The following XRN2 variants were observed in gnomAD, a reference collection of about 807,000 sequenced individuals.
XRN2 encodes the protein DHM1-like protein.
A neutral mutation model predicts 138.5 loss-of-function variants in XRN2; 44 were observed. The ratio of observed to expected loss-of-function variants is 0.32; its 90% CI spans 0.25 to 0.41. XRN2 has a LOEUF of 0.41. Ranked by LOEUF, XRN2 falls within the 10% of genes least tolerant of loss-of-function variation. The pLI, the probability that XRN2 is intolerant of heterozygous loss-of-function variation, is 1.00. For missense variants in XRN2, 937 were observed against 1,169.3 expected (o/e 0.80, Z 2.90); for synonymous variants, 354 against 369.4 (o/e 0.96, Z 0.48).
At position 21,365,612 on chromosome 20, in the gene XRN2, A is replaced by G. The variant is rs1274235512; in HGVS notation, c.2364A>G (p.Lys788=). ...AAVLKPSDWE[K]SSNGRQWKPQ... ...TACTGAAACCTAGTGACTGGGAAAA[A>G]TCCAGCAATGGACGGCAGTGGAAGC... Residue 788 remains lysine, a synonymous_variant, in exon 26 of 30, where the codon AAA becomes AAG. Transcript: ENST00000377191. The G allele has an allele frequency of 2.5e-6, 4 of 1,613,340 alleles. No homozygotes were observed. The highest frequency in any genetic ancestry group is 3.4e-6 in the Non-Finnish European group (4 of 1,179,938).
At chr20:21,362,191 T>G (rs552326504) in intron 24 of XRN2, among the ~76,000 whole-genome samples, 3 of 152,282 alleles carry the variant, frequency 2.0e-5, no homozygotes, top group Non-Finnish European at 4.4e-5. Context: ...AGCATGAGCA[T>G]GAATAATGGA....
Position 21,309,868 on chromosome 20 carries a change from C to G in XRN2, c.75+6395C>G, listed in dbSNP as rs1262573644. Among the ~76,000 whole-genome samples, 26 of 152,106 alleles carry G rather than the reference C, an allele frequency of 1.7e-4. No individual in the cohort carries two copies. In the East Asian group the frequency reaches 5.0e-3, roughly 29 times the overall value. ...TAATTCTACTTTCTTTGTTTTGTCC[C>G]ATTATCAGTCTGGCTACACTGTTCT... is the stretch of plus-strand genomic sequence containing the variant. On this transcript the variant is annotated intron_variant, in intron 1 of 29. Coordinates refer to ENST00000377191, the MANE Select transcript of XRN2 (RefSeq NM_012255.5).
At position 21,357,736 on chromosome 20, in the gene XRN2, A is replaced by T; in HGVS notation, c.2199A>T (p.Gln733His). 6.3e-7 allele frequency: 1 copy of T among 1,592,270 alleles called. No homozygotes were observed. The highest frequency in any genetic ancestry group is 1.2e-5 in the South Asian group (1 of 85,122). The change falls in exon 24 of 30, where the codon CAA becomes CAT. Residue 733 changes from glutamine (Q) to histidine (H), a missense_variant and splice_region_variant. Physicochemically the swap from Gln to His is conservative, Grantham distance 24. Transcript: ENST00000377191. ...TGTTTCTTCTCTTGTTTCCTTCTAG[A>T]ATAGTATGTTCTCCTGTTCCTATGT... ...SLDEEAILPDQIVCSPVPMLR... is the reference protein window; with the variant it reads ...SLDEEAILPDHIVCSPVPMLR...
chr20:21,337,939 C>T (rs890291602), intron 13 of XRN2, among the ~76,000 whole-genome samples: 13 of 152,152 alleles, frequency 8.5e-5, no homozygotes, highest in Admixed American at 2.0e-4. Context: ...TGGTGACCTA[C>T]ACAAGAGACG....
chr20:21,334,061 T>C lies in XRN2; in HGVS notation c.1126-17T>C. 1.2e-6 allele frequency: 2 copies of C among 1,613,894 alleles called. 1 individual carries two copies. Among genetic ancestry groups the C allele is most frequent in the South Asian group, 2.2e-5 (2 of 91,034 alleles). ...TTTTATAAGAAGATCATTTTACATATATTTTATCACTTACAGGGTTACCTT... is the reference window on the plus strand; with the variant it reads ...TTTTATAAGAAGATCATTTTACATACATTTTATCACTTACAGGGTTACCTT... On this transcript the variant is annotated splice_polypyrimidine_tract_variant and intron_variant, in intron 12 of 29. Coordinates refer to ENST00000377191, the MANE Select transcript of XRN2 (RefSeq NM_012255.5).
At chr20:21,340,637 TATTCC>T in intron 14 of XRN2, 79 bp from the exon 15 acceptor site, 1 of 1,497,944 alleles carries the variant, frequency 6.7e-7, no homozygotes, top group Non-Finnish European at 9.1e-7. Flanking sequence ...GTTTGGACTT[TATTCC>T]ATTGCCCTTC....
intron 1 of XRN2, among the ~76,000 whole-genome samples, chr20:21,309,998 A>G (rs1449012243): frequency 6.6e-6 from 1 of 151,950 alleles, no homozygotes; most frequent in Non-Finnish European, 1.5e-5. Context: ...TTTGGGTTTA[A>G]CTTGTTTTTT....
chr20:21,377,278 T>G (rs2038835312), intron 27 of XRN2, among the ~76,000 whole-genome samples: 1 of 145,448 alleles, frequency 6.9e-6, no homozygotes, highest in Admixed American at 6.9e-5. Context: ...TTTTTTTTTT[T>G]GGTCAGTCTT....
chr20:21,348,465 G>A (rs200617572), intron 19 of XRN2, 35 bp downstream of exon 19: 2 of 1,575,140 alleles, frequency 1.3e-6, no homozygotes, highest in East Asian at 4.5e-5. Flanking sequence ...TGGGTGACAG[G>A]ATTTTTGTCA....
rs754449882 is a variant in XRN2, at chr20:21,340,763, C to T, written c.1321C>T (p.His441Tyr). Residue 441 changes from histidine (H) to tyrosine (Y), a missense_variant, in exon 15 of 30, where the codon CAT (histidine) becomes TAT (tyrosine). By Grantham distance (83) the His-to-Tyr change is moderately conservative. Around this residue, in one of 6 missense-constraint regions of XRN2, gnomAD observed 471 missense variants for 581.2 expected, o/e 0.81. Transcript: ENST00000377191. ...CACTCCTAGTGGAATATTAACTCCTCATGCCTTGGGTTCAAGAAATTCACC... is the reference window on the plus strand; with the variant it reads ...CACTCCTAGTGGAATATTAACTCCTTATGCCTTGGGTTCAAGAAATTCACC... Reference protein sequence around the residue: ...AFTPSGILTPHALGSRNSPGS... With the variant: ...AFTPSGILTPYALGSRNSPGS... The T allele has an allele frequency of 1.2e-6, 2 of 1,613,930 alleles. No homozygotes were observed.
At chr20:21,389,191 G>A in intron 29 of XRN2, 82 bp from the exon 30 acceptor site, 1 of 1,281,576 alleles carries the variant, frequency 7.8e-7, no homozygotes, top group South Asian at 1.4e-5. Flanking sequence ...CTTATGATGT[G>A]TTTTTCCATA....
chr20:21,384,084 C>T (rs999503069), intron 28 of XRN2, among the ~76,000 whole-genome samples: 1 of 152,122 alleles, frequency 6.6e-6, no homozygotes, highest in South Asian at 2.1e-4. Context: ...TGAATAATTT[C>T]CTACTTTAAG....
intron 27 of XRN2, among the ~76,000 whole-genome samples, chr20:21,374,873 A>T (rs1282292254): frequency 6.6e-6 from 1 of 151,886 alleles, no homozygotes; most frequent in African/African-American, 2.4e-5. Context: ...TCATTTCTTA[A>T]TTTTTAGAAG....
Position 21,333,854 on chromosome 20 carries a change from A to T in XRN2, c.1067+17A>T. 1 of 1,614,132 alleles carries T rather than the reference A, an allele frequency of 6.2e-7. No homozygotes were observed. The highest frequency in any genetic ancestry group is 8.5e-7 in the Non-Finnish European group (1 of 1,180,006). ...AGAGATTAGGTATGTGCATTTGTGT[A>T]GCTTTTCAAACGACTGTTTTAGGCT... is the stretch of plus-strand genomic sequence containing the variant. On this transcript the variant is annotated intron_variant, in intron 11 of 29. Coordinates refer to ENST00000377191, the MANE Select transcript of XRN2 (RefSeq NM_012255.5).
At chr20:21,379,860 T>A (rs1268377154) in intron 27 of XRN2, among the ~76,000 whole-genome samples, 1 of 152,210 alleles carries the variant, frequency 6.6e-6, no homozygotes, top group African/African-American at 2.4e-5. Context: ...GATGGCTTCA[T>A]CTCCATTAGC....
intron 27 of XRN2, among the ~76,000 whole-genome samples, chr20:21,371,013 A>G (rs1428100220): frequency 6.6e-6 from 1 of 152,136 alleles, no homozygotes; most frequent in Non-Finnish European, 1.5e-5. Flanking sequence ...TCATATCATT[A>G]AAACATTTTT....
chr20:21,339,082 A>G lies in XRN2; in HGVS notation c.1272A>G (p.Arg424=). Residue 424 remains arginine, a synonymous_variant, in exon 14 of 30, where the codon AGA becomes AGG. Transcript: ENST00000377191. Reference sequence around the variant, plus strand: ...GACGACAGAAAGAAAAAAGAAAGAGAATGAAGGTGAGTTTTAATTAATTTC... The same window carrying G: ...GACGACAGAAAGAAAAAAGAAAGAGGATGAAGGTGAGTTTTAATTAATTTC... ...FRRRQKEKRK[R]MKRDQPAFTP... The G allele has an allele frequency of 1.2e-6, 2 of 1,605,384 alleles. No individual in the cohort carries two copies. Among genetic ancestry groups the G allele is most frequent in the Non-Finnish European group, 1.7e-6 (2 of 1,175,224 alleles).
At chr20:21,321,353 G>A (rs202834) in intron 1 of XRN2, among the ~76,000 whole-genome samples, 20,039 of 136,200 alleles carry the variant, frequency 0.15, 1,734 homozygotes, top group Non-Finnish European at 0.2. Context: ...GTGTGTGTAG[G>A]GTCTCATTTT....
intron 27 of XRN2, among the ~76,000 whole-genome samples, chr20:21,371,399 A>C (rs1211251072): frequency 2.0e-5 from 3 of 152,202 alleles, no homozygotes; most frequent in Non-Finnish European, 2.9e-5. Flanking sequence ...TCTATCATGC[A>C]AACTATGGAC....
Sources: allele counts gnomAD v4.1 joint callset (sites outside exome capture counted in the v4.1 genomes callset), GRCh38; gene constraint gnomAD v4.1.1; regional missense constraint gnomAD v4.1.1; transcripts MANE v1.5; gene names NCBI Gene and HGNC (gene_info 2026-07-23, HGNC 2026-07-21).